ACAP2: variants seen among roughly 807,000 people sequenced by gnomAD.
The protein encoded by ACAP2 is ArfGAP with coiled-coil, ankyrin repeat and PH domains 2.
In ACAP2, 39 loss-of-function variants were observed where a neutral mutation model predicts 115.8. That is an observed-to-expected ratio of 0.34 (90% confidence interval 0.26 to 0.44). ACAP2 has a LOEUF of 0.44. Among genes scored for constraint, ACAP2 ranks in the 20% least tolerant of loss-of-function variants. The pLI is 1.00. For missense variants in ACAP2, 662 were observed against 927.6 expected, an observed-to-expected ratio of 0.71 and a Z score of 3.72; for synonymous variants, 289 against 315.8, an observed-to-expected ratio of 0.92 and a Z score of 0.90.
chr3:195,352,553 C>A (rs535597363), intron 4 of ACAP2, among the ~76,000 whole-genome samples: 1 of 152,144 alleles, frequency 6.6e-6, no homozygotes, highest in African/African-American at 2.4e-5. Flanking sequence ...AAACTATATG[C>A]CTACACAGAT....
chr3:195,362,842 G>C (rs574756456), intron 4 of ACAP2, among the ~76,000 whole-genome samples: 141 of 152,250 alleles, frequency 9.3e-4, no homozygotes, highest in African/African-American at 3.2e-3. Flanking sequence ...CAGATCCAGA[G>C]CTTGTATAAT....
intron 1 of ACAP2, among the ~76,000 whole-genome samples, chr3:195,433,791 A>C (rs1399655887): frequency 6.6e-6 from 1 of 152,222 alleles, no homozygotes; most frequent in Non-Finnish European, 1.5e-5. Context: ...TCCTGGGATA[A>C]CTATGACTTG....
intron 1 of ACAP2, among the ~76,000 whole-genome samples, chr3:195,401,970 G>A (rs182447858): frequency 7.4e-4 from 113 of 152,224 alleles, no homozygotes; most frequent in Middle Eastern, 6.8e-3. Flanking sequence ...TAAACCACCT[G>A]GGATGGTAAA....
intron 1 of ACAP2, among the ~76,000 whole-genome samples, chr3:195,405,517 C>T (rs765164858): frequency 4.6e-4 from 70 of 152,064 alleles, no homozygotes; most frequent in Admixed American, 2.4e-3. Flanking sequence ...AAACCCCCAT[C>T]TCTATTAAAA....
intron 2 of ACAP2, among the ~76,000 whole-genome samples, chr3:195,388,429 G>T (rs577892810): frequency 6.6e-6 from 1 of 152,338 alleles, no homozygotes. Flanking sequence ...GAACTCCGTA[G>T]AGCAATGCCA....
At chr3:195,328,210 T>A (rs929037541) in intron 8 of ACAP2, among the ~76,000 whole-genome samples, 5 of 152,232 alleles carry the variant, frequency 3.3e-5, no homozygotes, top group Middle Eastern at 3.4e-3. Flanking sequence ...GATAAGTGAA[T>A]AAATTAAAAC....
chr3:195,401,510 C>CA (rs1417437857), intron 1 of ACAP2, among the ~76,000 whole-genome samples: 5 of 151,958 alleles, frequency 3.3e-5, no homozygotes, highest in African/African-American at 1.2e-4. Context: ...ACTAAAAATA[C>CA]AAAAAAATTA....
rs73890752 is a variant in ACAP2 at position 195,278,483 on chromosome 3, T to A, written c.*845A>T. On this transcript the variant is annotated 3_prime_UTR_variant, in exon 23 of 23. Transcript: ENST00000326793. ...ATAAATTGATTTTTCCTTTAAAGTT[T>A]TGATGAAGGCATAATTTTGTGACAT... 3.3e-5 allele frequency: 5 copies of A among 152,196 alleles called. No individual in the cohort carries two copies. Among genetic ancestry groups the A allele is most frequent in the African/African-American group, 1.2e-4 (5 of 41,432 alleles). The allele number at this position is 152,196 out of a possible 1,614,324, so 9.4% of individuals were successfully genotyped here.
intron 4 of ACAP2, among the ~76,000 whole-genome samples, chr3:195,349,288 C>G (rs565324543): frequency 1.6e-4 from 25 of 152,132 alleles, no homozygotes; most frequent in African/African-American, 5.5e-4. Flanking sequence ...TTGAGACCAG[C>G]CTGACCAACA....
At chr3:195,377,136 A>ATTTTTTTTTTTTTTTT (rs1478091442) in intron 4 of ACAP2, among the ~76,000 whole-genome samples, 2 of 89,718 alleles carry the variant, frequency 2.2e-5, no homozygotes, top group Non-Finnish European at 4.3e-5. Context: ...AGGAATGTAA[A>ATTTTTTTTTTTTTTTT]TCTTTTTTTT....
At chr3:195,306,297 A>G (rs902504493) in intron 13 of ACAP2, among the ~76,000 whole-genome samples, 2 of 152,230 alleles carry the variant, frequency 1.3e-5, no homozygotes, top group Non-Finnish European at 1.5e-5. Context: ...ATATTCAAAT[A>G]TTAAACATAG....
At chr3:195,412,797 T>A (rs1713396200) in intron 1 of ACAP2, 5 of 421,894 alleles carry the variant, frequency 1.2e-5, no homozygotes, top group South Asian at 6.9e-5. Flanking sequence ...AATAGTAGAG[T>A]ATAAGTTGTG....
At chr3:195,341,486 A>C (rs1474311078) in intron 6 of ACAP2, among the ~76,000 whole-genome samples, 3 of 151,832 alleles carry the variant, frequency 2.0e-5, no homozygotes, top group Non-Finnish European at 4.4e-5. Flanking sequence ...CACCACGCCC[A>C]GCTAATTTTT....
chr3:195,332,682 TTTC>T (rs1248131522), intron 8 of ACAP2, among the ~76,000 whole-genome samples: 1 of 152,092 alleles, frequency 6.6e-6, no homozygotes, highest in Admixed American at 6.6e-5. Context: ...ATGGGGGCGG[TTTC>T]CCCCATGCTG....
At chr3:195,428,863 G>A (rs896603115) in intron 1 of ACAP2, among the ~76,000 whole-genome samples, 10 of 152,076 alleles carry the variant, frequency 6.6e-5, no homozygotes, top group Non-Finnish European at 1.5e-4. Flanking sequence ...AATCGCTTTG[G>A]AATAATGCTT....
At chr3:195,380,925 T>C in intron 4 of ACAP2, 84 bp downstream of exon 4, 1 of 1,199,654 alleles carries the variant, frequency 8.3e-7, no homozygotes, top group Non-Finnish European at 1.2e-6. Flanking sequence ...AATTCCCTTT[T>C]AGTCATTTCA....
intron 3 of ACAP2, 76 bp downstream of exon 3, chr3:195,381,827 G>A: frequency 1.3e-6 from 2 of 1,484,410 alleles, no homozygotes; most frequent in Non-Finnish European, 1.8e-6. Flanking sequence ...TATAAATCAG[G>A]TAGATGAATG....
intron 1 of ACAP2, among the ~76,000 whole-genome samples, chr3:195,406,612 G>T (rs1712793634): frequency 6.6e-6 from 1 of 152,198 alleles, no homozygotes; most frequent in Admixed American, 6.5e-5. Context: ...GTTTACAGGG[G>T]TAAGCCTTCT....
At chr3:195,368,262 G>C (rs1732869682) in intron 4 of ACAP2, among the ~76,000 whole-genome samples, 1 of 152,064 alleles carries the variant, frequency 6.6e-6, no homozygotes, top group Non-Finnish European at 1.5e-5. Flanking sequence ...CGATTCTTCT[G>C]CCTCAGCCTC....
Sources: gnomAD v4.1 joint callset for allele counts (sites outside exome capture counted in the v4.1 genomes callset) on GRCh38, gnomAD v4.1.1 for gene constraint, MANE v1.5 for transcripts, NCBI Gene and HGNC (gene_info 2026-07-23, HGNC 2026-07-21) for gene names.